MPPED2: variants seen among roughly 807,000 people sequenced by gnomAD.
MPPED2 encodes metallophosphoesterase domain containing 2.
In MPPED2, 5 loss-of-function variants were observed where a neutral mutation model predicts 33.0. That is an observed-to-expected ratio of 0.15 (90% CI 0.08 to 0.32). MPPED2 has a LOEUF of 0.32. Among genes scored for constraint, MPPED2 ranks in the 10% least tolerant of loss-of-function variants. The pLI is 1.00. For missense variants in MPPED2, 275 were observed against 372.1 expected, an observed-to-expected ratio of 0.74 and a Z score of 2.15; for synonymous variants, 136 against 141.9, an observed-to-expected ratio of 0.96 and a Z score of 0.29.
Position 30,478,261 on chromosome 11 carries a change from A to G in MPPED2, c.536+17035T>C, listed in dbSNP as rs574388572. Among the ~76,000 whole-genome samples the G allele has an allele frequency of 1.1e-4, 16 of 152,262 alleles. No homozygotes were observed. The South Asian group carries it at 2.7e-3, about 26-fold the overall frequency. ...TAGTTTGTTAGGAGCTTATTCCTCC[A>G]TAACTAAAAGAGAAACCCACAGTAA... is the stretch of plus-strand genomic sequence containing the variant. On this transcript the variant is annotated intron_variant, in intron 4 of 6. Coordinates refer to ENST00000358117, the MANE Select transcript of MPPED2 (RefSeq NM_001584.3).
At chr11:30,498,466 T>A (rs1472137504) in intron 3 of MPPED2, among the ~76,000 whole-genome samples, 1 of 151,522 alleles carries the variant, frequency 6.6e-6, no homozygotes. Context: ...GAGAATTGCT[T>A]GAACCCCGGA....
chr11:30,507,956 T>C (rs1198352315), intron 3 of MPPED2, among the ~76,000 whole-genome samples: 2 of 152,286 alleles, frequency 1.3e-5, no homozygotes, highest in African/African-American at 2.4e-5. Context: ...TGGAGGTCTA[T>C]TTTACTTTCT....
chr11:30,539,691 G>C (rs1954997916), intron 2 of MPPED2, among the ~76,000 whole-genome samples: 1 of 152,116 alleles, frequency 6.6e-6, no homozygotes, highest in South Asian at 2.1e-4. Flanking sequence ...TACAATCATA[G>C]CCTACTATAG....
At chr11:30,426,515 A>G (rs1948845096) in intron 4 of MPPED2, among the ~76,000 whole-genome samples, 1 of 152,174 alleles carries the variant, frequency 6.6e-6, no homozygotes, top group South Asian at 2.1e-4. Flanking sequence ...CTGGATTGAA[A>G]GCCCAGTGAG....
intron 2 of MPPED2, among the ~76,000 whole-genome samples, chr11:30,558,688 C>A (rs1482732391): frequency 6.6e-6 from 1 of 151,868 alleles, no homozygotes; most frequent in Non-Finnish European, 1.5e-5. Context: ...TCCCAAAGTG[C>A]TGGGATTACA....
intron 2 of MPPED2, among the ~76,000 whole-genome samples, chr11:30,572,475 A>G (rs536025243): frequency 6.6e-6 from 1 of 152,308 alleles, no homozygotes; most frequent in East Asian, 1.9e-4. Context: ...GTGTTTATAT[A>G]TAAAGTGCAA....
chr11:30,435,822 G>A (rs1282167121), intron 4 of MPPED2, among the ~76,000 whole-genome samples: 2 of 152,126 alleles, frequency 1.3e-5, no homozygotes. Context: ...GGCAGAGCTG[G>A]GATTTGGTCT....
At chr11:30,518,516 A>G (rs531528811) in intron 3 of MPPED2, among the ~76,000 whole-genome samples, 3 of 152,346 alleles carry the variant, frequency 2.0e-5, no homozygotes, top group African/African-American at 7.2e-5. Context: ...TAAATGTGTG[A>G]TTTACCCAAG....
chr11:30,528,556 C>G (rs1179169204), intron 3 of MPPED2, among the ~76,000 whole-genome samples: 1 of 152,124 alleles, frequency 6.6e-6, no homozygotes, highest in African/African-American at 2.4e-5. Context: ...CGTGCCTGGC[C>G]TCATTGTTTA....
At chr11:30,537,786 G>T (rs1954891583) in intron 2 of MPPED2, among the ~76,000 whole-genome samples, 1 of 152,180 alleles carries the variant, frequency 6.6e-6, no homozygotes, top group Non-Finnish European at 1.5e-5. Context: ...TGTTAGAAAG[G>T]TTAGAAATTA....
chr11:30,498,680 G>A (rs1478320549), intron 3 of MPPED2, among the ~76,000 whole-genome samples: 1 of 152,078 alleles, frequency 6.6e-6, no homozygotes, highest in African/African-American at 2.4e-5. Context: ...ATGTCAAATA[G>A]TTTTGTATTT....
chr11:30,561,232 T>C (rs941423380), intron 2 of MPPED2, among the ~76,000 whole-genome samples: 12 of 152,168 alleles, frequency 7.9e-5, no homozygotes, highest in Non-Finnish European at 1.3e-4. Flanking sequence ...TATTCACTAG[T>C]TGGACTCTGC....
intron 3 of MPPED2, among the ~76,000 whole-genome samples, chr11:30,524,801 A>C (rs1364507112): frequency 6.6e-6 from 1 of 152,174 alleles, no homozygotes; most frequent in Non-Finnish European, 1.5e-5. Flanking sequence ...AATTTAAAAG[A>C]ACAAGCAATA....
intron 4 of MPPED2, among the ~76,000 whole-genome samples, chr11:30,426,077 C>T (rs533835128): frequency 2.6e-5 from 4 of 152,202 alleles, no homozygotes; most frequent in South Asian, 2.1e-4. Flanking sequence ...CCATTACTTC[C>T]GATTACTTTC....
At chr11:30,455,870 C>G (rs1336358275) in intron 4 of MPPED2, among the ~76,000 whole-genome samples, 1 of 152,210 alleles carries the variant, frequency 6.6e-6, no homozygotes, top group Non-Finnish European at 1.5e-5. Flanking sequence ...AACCTGACAG[C>G]CGTTCTGCTC....
In MPPED2 at chr11:30,495,379, A is replaced by G. The variant is rs1465702573; in HGVS notation, c.453T>C (p.Asn151=). The G allele has an allele frequency of 1.2e-6, 2 of 1,614,020 alleles. No homozygotes were observed. The highest frequency in any genetic ancestry group is 1.7e-6 in the Non-Finnish European group (2 of 1,180,006). The change falls in exon 4 of 7, where the codon AAT becomes AAC. Residue 151 remains asparagine, a synonymous_variant. Transcript: ENST00000358117. ...TACTGTTTGTCAGGAGGGACTGAAC[A>G]TTGTCAAAGTCCTCTGGTTTCAATT... ...VSKLKPEDFD[N]VQSLLTNSIY...
intron 5 of MPPED2, among the ~76,000 whole-genome samples, chr11:30,416,558 T>A (rs980362545): frequency 6.6e-6 from 1 of 152,210 alleles, no homozygotes; most frequent in Non-Finnish European, 1.5e-5. Context: ...GTTTTTTCCC[T>A]CTCTCCAAAC....
chr11:30,494,531 A>T (rs1252447110), intron 4 of MPPED2, among the ~76,000 whole-genome samples: 1 of 152,068 alleles, frequency 6.6e-6, no homozygotes, highest in East Asian at 1.9e-4. Flanking sequence ...TGAGGTCAGG[A>T]GTTCAAGACC....
At chr11:30,440,186 C>T (rs751272713) in intron 4 of MPPED2, among the ~76,000 whole-genome samples, 13 of 151,970 alleles carry the variant, frequency 8.6e-5, no homozygotes, top group Non-Finnish European at 1.5e-4. Context: ...AAAAACTAGC[C>T]GGGCGTGGTG....
Sources: gnomAD v4.1 joint callset for allele counts (sites outside exome capture counted in the v4.1 genomes callset) on GRCh38, gnomAD v4.1.1 for gene constraint, MANE v1.5 for transcripts, NCBI Gene and HGNC (gene_info 2026-07-23, HGNC 2026-07-21) for gene names.